GALNT13: variants seen among roughly 807,000 people sequenced by gnomAD.
The protein encoded by GALNT13 is polypeptide N-acetylgalactosaminyltransferase 13.
In GALNT13, 28 loss-of-function variants were observed where a neutral mutation model predicts 64.2. That is an observed-to-expected ratio of 0.44 (90% CI 0.32 to 0.60). The LOEUF (loss-of-function observed/expected upper bound fraction) is 0.60, where lower values mean the gene tolerates loss of function less well. Ranked by LOEUF, GALNT13 falls within the 20% of genes least tolerant of loss-of-function variation. The probability of loss-of-function intolerance (pLI) is 0.05; values close to 1 mark genes in which losing one functional copy is unlikely to be tolerated. For synonymous variants in GALNT13, 214 were observed against 224.6 expected, an observed-to-expected ratio of 0.95 and a Z score of 0.42; for missense variants, 577 against 669.8, an observed-to-expected ratio of 0.86 and a Z score of 1.53.
At chr2:153,722,523 G>A in the GALNT13 span, among the ~76,000 whole-genome samples, 7 of 149,354 alleles carry the variant, frequency 4.7e-5, no homozygotes, top group Non-Finnish European at 1.0e-4. Context: ...CCAGGAGCTG[G>A]TTTTTTGAAA....
the GALNT13 span, among the ~76,000 whole-genome samples, chr2:153,864,370 T>C: frequency 4.6e-5 from 7 of 152,192 alleles, no homozygotes; most frequent in Admixed American, 1.3e-4. Flanking sequence ...AAAGGAAAGA[T>C]TTAACTGTTC....
chr2:153,773,913 A>G, the GALNT13 span, among the ~76,000 whole-genome samples: 7 of 152,140 alleles, frequency 4.6e-5, no homozygotes, highest in Admixed American at 4.6e-4. Flanking sequence ...CCCTAATCTT[A>G]ACTCTACCTG....
At chr2:153,519,136 C>A in the GALNT13 span, among the ~76,000 whole-genome samples, 1 of 152,282 alleles carries the variant, frequency 6.6e-6, no homozygotes, top group East Asian at 1.9e-4. Flanking sequence ...AACTTTACTA[C>A]AAATTGCTGC....
chr2:154,235,980 C>A, intron 4 of GALNT13: 1 of 789,752 alleles, frequency 1.3e-6, no homozygotes, highest in Non-Finnish European at 1.8e-6. Context: ...AAATATGATT[C>A]TGCCTCCATA....
At chr2:153,428,651 GA>G in the GALNT13 span, among the ~76,000 whole-genome samples, 2 of 152,178 alleles carry the variant, frequency 1.3e-5, no homozygotes, top group Non-Finnish European at 2.9e-5. Flanking sequence ...AATTACTAGA[GA>G]AAGGAATTGT....
chr2:154,300,815 G>A (rs1429735650), intron 8 of GALNT13, among the ~76,000 whole-genome samples: 1 of 152,078 alleles, frequency 6.6e-6, no homozygotes, highest in African/African-American at 2.4e-5. Context: ...CTAAAAGCAT[G>A]CTTAAAATAA....
chr2:153,647,987 T>C, the GALNT13 span, among the ~76,000 whole-genome samples: 26 of 152,304 alleles, frequency 1.7e-4, no homozygotes, highest in African/African-American at 6.3e-4. Context: ...AAGTAGTTTT[T>C]TCCAATTCTG....
At chr2:154,371,222 C>G (rs1697668107) in intron 9 of GALNT13, among the ~76,000 whole-genome samples, 1 of 152,034 alleles carries the variant, frequency 6.6e-6, no homozygotes, top group Admixed American at 6.6e-5. Context: ...ATGCTAGTGT[C>G]CCTTAACCCC....
the GALNT13 span, among the ~76,000 whole-genome samples, chr2:153,133,778 T>C: frequency 6.8e-6 from 1 of 146,614 alleles, no homozygotes; most frequent in Non-Finnish European, 1.5e-5. Flanking sequence ...AAATGGCCTC[T>C]TCTCGATGAC....
chr2:154,309,153 A>G (rs988103099), intron 9 of GALNT13, among the ~76,000 whole-genome samples: 3 of 152,202 alleles, frequency 2.0e-5, no homozygotes, highest in Non-Finnish European at 4.4e-5. Context: ...GAAAAATAAG[A>G]TTAAATGCTT....
At chr2:154,292,465 T>A (rs74409004) in intron 8 of GALNT13, among the ~76,000 whole-genome samples, 3,785 of 152,330 alleles carry the variant, frequency 0.025, 66 homozygotes, top group Non-Finnish European at 0.035. Context: ...AAGCTAAGTA[T>A]CTTTATGTGA....
At chr2:153,338,862 A>G in the GALNT13 span, among the ~76,000 whole-genome samples, 1 of 152,218 alleles carries the variant, frequency 6.6e-6, no homozygotes, top group Non-Finnish European at 1.5e-5. Flanking sequence ...TTCCACAAAT[A>G]AGTAAAATGA....
At chr2:153,335,614 T>A in the GALNT13 span, among the ~76,000 whole-genome samples, 5 of 152,206 alleles carry the variant, frequency 3.3e-5, no homozygotes, top group African/African-American at 9.7e-5. Context: ...AGGTGACTTG[T>A]ATGCTGTTAA....
At chr2:153,319,960 G>T in the GALNT13 span, among the ~76,000 whole-genome samples, 3 of 152,004 alleles carry the variant, frequency 2.0e-5, no homozygotes, top group African/African-American at 7.2e-5. Flanking sequence ...AAGATGGGGA[G>T]CTGAAAAAAA....
the GALNT13 span, among the ~76,000 whole-genome samples, chr2:153,699,010 G>T: frequency 5.9e-5 from 9 of 152,176 alleles, no homozygotes; most frequent in Admixed American, 1.3e-4. Flanking sequence ...GGATCACGAG[G>T]TCAAGAGATC....
At chr2:153,688,991 G>GGTGTGTGT in the GALNT13 span, among the ~76,000 whole-genome samples, 3,050 of 130,100 alleles carry the variant, frequency 0.023, 61 homozygotes, top group East Asian at 0.058. Context: ...TAGAGGTAGG[G>GGTGTGTGT]GTGTGTGTGT....
At chr2:153,762,651 T>C in the GALNT13 span, 1 of 153,534 alleles carries the variant, frequency 6.5e-6, no homozygotes, top group Admixed American at 6.5e-5. Flanking sequence ...CACCATTTTC[T>C]ACAGCTACTG....
chr2:153,281,680 T>A, the GALNT13 span, among the ~76,000 whole-genome samples: 1 of 152,160 alleles, frequency 6.6e-6, no homozygotes, highest in Admixed American at 6.5e-5. Flanking sequence ...AAATTCTTAG[T>A]TGAAATTTTT....
At chr2:153,357,024 G>C in the GALNT13 span, among the ~76,000 whole-genome samples, 4 of 152,036 alleles carry the variant, frequency 2.6e-5, no homozygotes, top group African/African-American at 9.6e-5. Context: ...TAGCCAGGAT[G>C]GTCTCGATCT....
Sources: gnomAD v4.1 joint callset for allele counts (sites outside exome capture counted in the v4.1 genomes callset) on GRCh38, gnomAD v4.1.1 for gene constraint, MANE v1.5 for transcripts, NCBI Gene and HGNC (gene_info 2026-07-23, HGNC 2026-07-21) for gene names.